The following MACROD2 variants were observed in gnomAD, a reference collection of about 807,000 sequenced individuals.
MACROD2 encodes the protein mono-ADP ribosylhydrolase 2.
A neutral mutation model predicts 70.4 loss-of-function variants in MACROD2; 36 were observed. The ratio of observed to expected loss-of-function variants is 0.51; its 90% CI spans 0.39 to 0.68. The LOEUF (loss-of-function observed/expected upper bound fraction) is 0.68. Ranked by LOEUF, MACROD2 falls within the 30% of genes least tolerant of loss-of-function variation. The pLI, the probability that MACROD2 is intolerant of heterozygous loss-of-function variation, is 0.00. For missense variants in MACROD2, 496 were observed against 538.4 expected, an observed-to-expected ratio of 0.92 and a Z score of 0.78; for synonymous variants, 172 against 178.8, an observed-to-expected ratio of 0.96 and a Z score of 0.30.
chr20:15,107,608 G>A (rs756229536), intron 5 of MACROD2, among the ~76,000 whole-genome samples: 2 of 150,574 alleles, frequency 1.3e-5, no homozygotes, highest in Admixed American at 1.3e-4. Context: ...GGAATATGTC[G>A]ATCTGACTTA....
chr20:15,582,369 C>A (rs1403084636), intron 8 of MACROD2, among the ~76,000 whole-genome samples: 2 of 152,024 alleles, frequency 1.3e-5, no homozygotes, highest in Non-Finnish European at 2.9e-5. Flanking sequence ...TTCAGCTAGA[C>A]CCTGGGAGGC....
chr20:15,192,010 C>CTATG (rs1390642824), intron 5 of MACROD2, among the ~76,000 whole-genome samples: 46 of 111,492 alleles, frequency 4.1e-4, no homozygotes, highest in Admixed American at 7.4e-4. Flanking sequence ...CCTCTATTAA[C>CTATG]TATGTATCTA....
chr20:15,974,687 G>C (rs781134613), intron 13 of MACROD2, among the ~76,000 whole-genome samples: 1 of 152,088 alleles, frequency 6.6e-6, no homozygotes, highest in African/African-American at 2.4e-5. Flanking sequence ...GGAGTTACAT[G>C]GGATATCTCT....
In MACROD2 at chr20:15,271,319, C is replaced by A. The variant is rs432565; in HGVS notation, c.540+41258C>A. 7.6e-4 allele frequency among the ~76,000 whole-genome samples: 115 copies of A among 152,276 alleles called. 1 individual carries two copies. The highest frequency in any genetic ancestry group is 1.4e-3 in the Non-Finnish European group (98 of 68,024). The stretch of plus-strand genomic sequence containing the variant: ...GGGCCTATTTTAGAAGGGCGCTAAT[C>A]CCATTCATAGAGGCTCCACTCTCAT... On this transcript the variant is annotated intron_variant, in intron 6 of 17. Transcript: ENST00000684519.
chr20:14,809,555 G>T (rs2072682838), intron 5 of MACROD2, among the ~76,000 whole-genome samples: 1 of 151,814 alleles, frequency 6.6e-6, no homozygotes, highest in Non-Finnish European at 1.5e-5. Context: ...AAATTCAAAA[G>T]CTAGCAGAAG....
chr20:15,871,640 C>A (rs1176144225), intron 9 of MACROD2, among the ~76,000 whole-genome samples: 1 of 152,144 alleles, frequency 6.6e-6, no homozygotes, highest in Non-Finnish European at 1.5e-5. Context: ...GGACAGTTTT[C>A]ATGAAGAATG....
At chr20:15,393,164 A>G (rs1485408477) in intron 6 of MACROD2, among the ~76,000 whole-genome samples, 1 of 152,194 alleles carries the variant, frequency 6.6e-6, no homozygotes, top group Non-Finnish European at 1.5e-5. Flanking sequence ...CAAGCAAAAG[A>G]AGCCATGGTC....
chr20:14,645,551 A>T (rs1985341996), intron 4 of MACROD2, among the ~76,000 whole-genome samples: 1 of 152,056 alleles, frequency 6.6e-6, no homozygotes, highest in Non-Finnish European at 1.5e-5. Context: ...TTTTAATTTT[A>T]CTCAAATAGA....
chr20:15,803,768 A>G (rs1489723123), intron 8 of MACROD2, among the ~76,000 whole-genome samples: 1 of 152,154 alleles, frequency 6.6e-6, no homozygotes. Flanking sequence ...AGGCTTTTCC[A>G]TCCAACACAC....
intron 5 of MACROD2, among the ~76,000 whole-genome samples, chr20:15,041,242 T>G (rs2075353909): frequency 6.6e-6 from 1 of 152,198 alleles, no homozygotes; most frequent in African/African-American, 2.4e-5. Context: ...AATTTTTGTT[T>G]GTAATACAGT....
At position 14,506,976 on chromosome 20, in the gene MACROD2, G is replaced by A. The variant is rs534578143; in HGVS notation, c.301+13468G>A. Among the ~76,000 whole-genome samples the A allele has an allele frequency of 2.0e-5, 3 of 152,066 alleles. 1 individual carries two copies. In the South Asian group the frequency reaches 6.2e-4, roughly 32 times the overall value. On this transcript the variant is annotated intron_variant, in intron 4 of 17. Transcript: ENST00000684519. ...AAAAAAGAAATTAATAATAATAATCGTGTTCCAGAGTTGCGATACTATATC... is the reference window on the plus strand; with the variant it reads ...AAAAAAGAAATTAATAATAATAATCATGTTCCAGAGTTGCGATACTATATC...
At chr20:14,151,381 G>C (rs1281546668) in intron 3 of MACROD2, among the ~76,000 whole-genome samples, 3 of 152,070 alleles carry the variant, frequency 2.0e-5, no homozygotes, top group Non-Finnish European at 4.4e-5. Flanking sequence ...AGTATTTTGT[G>C]TGTTCTACTA....
chr20:15,310,190 A>G (rs1043670012), intron 6 of MACROD2, among the ~76,000 whole-genome samples: 6 of 152,222 alleles, frequency 3.9e-5, no homozygotes, highest in Non-Finnish European at 7.3e-5. Flanking sequence ...AAAGCCTGGG[A>G]AAGAGTAACT....
At chr20:14,088,779 T>A (rs1456948747) in intron 3 of MACROD2, among the ~76,000 whole-genome samples, 1 of 152,226 alleles carries the variant, frequency 6.6e-6, no homozygotes, top group Non-Finnish European at 1.5e-5. Context: ...TTCTTAAAAA[T>A]ATTTAATACT....
chr20:15,970,648 C>A (rs896444031), intron 13 of MACROD2, among the ~76,000 whole-genome samples: 1 of 151,978 alleles, frequency 6.6e-6, no homozygotes, highest in Non-Finnish European at 1.5e-5. Context: ...CCTGGGAGGC[C>A]AAGGTAGCTA....
intron 6 of MACROD2, among the ~76,000 whole-genome samples, chr20:15,233,146 G>A (rs1288700321): frequency 6.6e-6 from 1 of 152,024 alleles, no homozygotes; most frequent in Non-Finnish European, 1.5e-5. Context: ...AGAGATGCAT[G>A]AAATTCCATA....
At chr20:14,890,821 A>T (rs2073746996) in intron 5 of MACROD2, among the ~76,000 whole-genome samples, 1 of 151,962 alleles carries the variant, frequency 6.6e-6, no homozygotes, top group African/African-American at 2.4e-5. Flanking sequence ...GTTGAAAGGT[A>T]AAAAGCTGAG....
chr20:14,306,985 C>T (rs2082526015), intron 3 of MACROD2, among the ~76,000 whole-genome samples: 1 of 150,040 alleles, frequency 6.7e-6, no homozygotes, highest in Non-Finnish European at 1.5e-5. Context: ...CTATACGCCT[C>T]AAAGTGTGAA....
intron 9 of MACROD2, among the ~76,000 whole-genome samples, chr20:15,883,105 A>G (rs1478644484): frequency 6.6e-6 from 1 of 152,104 alleles, no homozygotes; most frequent in Non-Finnish European, 1.5e-5. Context: ...CTACAGCCCC[A>G]AACATAAAGC....
Sources: gnomAD v4.1 joint callset for allele counts (sites outside exome capture counted in the v4.1 genomes callset) on GRCh38, gnomAD v4.1.1 for gene constraint, MANE v1.5 for transcripts, NCBI Gene and HGNC (gene_info 2026-07-23, HGNC 2026-07-21) for gene names.